AGBL4: variants seen among roughly 807,000 people sequenced by gnomAD.
AGBL4 encodes the protein cytosolic carboxypeptidase 6.
Under a neutral mutation model 66.4 loss-of-function variants are expected in AGBL4, and 58 were observed. The observed-to-expected ratio is 0.87, with a 90% CI of 0.71 to 1.09. The LOEUF is 1.09. AGBL4 is among the 50% of genes least tolerant of loss of function. The probability of loss-of-function intolerance (pLI) is 0.00; values close to 1 mark genes in which losing one functional copy is unlikely to be tolerated. For synonymous variants in AGBL4, 234 were observed against 222.9 expected (o/e 1.05, Z -0.44); for missense variants, 579 against 631.0 (o/e 0.92, Z 0.88).
At chr1:49,384,190 A>G (rs1456053730) in intron 3 of AGBL4, among the ~76,000 whole-genome samples, 1 of 152,244 alleles carries the variant, frequency 6.6e-6, no homozygotes, top group South Asian at 2.1e-4. Flanking sequence ...TTTGCAAACC[A>G]TATATCTAAT....
chr1:48,980,103 T>A (rs1659625169), intron 5 of AGBL4, among the ~76,000 whole-genome samples: 2 of 152,206 alleles, frequency 1.3e-5, no homozygotes, highest in African/African-American at 2.4e-5. Context: ...TCTGTCAGAC[T>A]GTCCCCAGGT....
In AGBL4 at chr1:48,848,578, T is replaced by C. The variant is rs146211567; in HGVS notation, c.634+18613A>G. On this transcript the variant is annotated intron_variant, in intron 6 of 13. Coordinates refer to ENST00000371839, the MANE Select transcript of AGBL4 (RefSeq NM_032785.4). The stretch of plus-strand genomic sequence containing the variant: ...ATCTCTATAATACAACATTTTTTTT[T>C]CCGAAAGAAATGAAAGGGCATTGAA... Among the ~76,000 whole-genome samples the C allele has an allele frequency of 3.0e-3, 452 of 152,322 alleles. 1 individual carries two copies. Among genetic ancestry groups the C allele is most frequent in the African/African-American group, 0.01 (422 of 41,584 alleles).
chr1:48,835,743 G>C (rs931022579), intron 6 of AGBL4, among the ~76,000 whole-genome samples: 3 of 152,098 alleles, frequency 2.0e-5, no homozygotes, highest in Non-Finnish European at 4.4e-5. Flanking sequence ...CAAGACCCTA[G>C]AACTCTCTAA....
chr1:49,739,427 G>C (rs1650214722), intron 2 of AGBL4, among the ~76,000 whole-genome samples: 1 of 152,226 alleles, frequency 6.6e-6, no homozygotes, highest in Non-Finnish European at 1.5e-5. Flanking sequence ...ATCTACGTCT[G>C]ATTGGTGTAC....
At chr1:49,451,844 T>C (rs1646284551) in intron 3 of AGBL4, among the ~76,000 whole-genome samples, 1 of 151,916 alleles carries the variant, frequency 6.6e-6, no homozygotes, top group African/African-American at 2.4e-5. Flanking sequence ...ACCTCACCCA[T>C]TGGGGAACCT....
intron 6 of AGBL4, among the ~76,000 whole-genome samples, chr1:48,706,187 CT>C (rs1646878192): frequency 6.6e-6 from 1 of 151,978 alleles, no homozygotes; most frequent in African/African-American, 2.4e-5. Context: ...TATGATTATG[CT>C]TTATAACTTA....
intron 3 of AGBL4, among the ~76,000 whole-genome samples, chr1:49,419,986 G>T (rs1490606857): frequency 3.9e-5 from 6 of 152,158 alleles, no homozygotes; most frequent in Non-Finnish European, 8.8e-5. Context: ...CCTGTAGCAG[G>T]TTTAAAGAAC....
chr1:48,989,855 A>G (rs749960515), intron 5 of AGBL4, among the ~76,000 whole-genome samples: 2 of 151,854 alleles, frequency 1.3e-5, no homozygotes, highest in Non-Finnish European at 2.9e-5. Flanking sequence ...TTTGTTTCAG[A>G]TATGTCTTCG....
intron 3 of AGBL4, among the ~76,000 whole-genome samples, chr1:49,448,232 C>T (rs1256818403): frequency 1.3e-5 from 2 of 152,142 alleles, no homozygotes; most frequent in Admixed American, 6.5e-5. Flanking sequence ...TGTATTGGTG[C>T]TCATAATTAT....
chr1:49,802,882 T>C (rs1644895979), intron 2 of AGBL4, among the ~76,000 whole-genome samples: 1 of 152,212 alleles, frequency 6.6e-6, no homozygotes, highest in Admixed American at 6.5e-5. Context: ...ATATGTCTGC[T>C]GATTTAATTT....
intron 6 of AGBL4, among the ~76,000 whole-genome samples, chr1:48,723,467 G>A (rs1268884807): frequency 1.3e-5 from 2 of 152,152 alleles, no homozygotes; most frequent in East Asian, 1.9e-4. Flanking sequence ...GAAGCTGCCT[G>A]GCAGAAAGGG....
chr1:49,588,084 C>T (rs184845341), intron 3 of AGBL4, among the ~76,000 whole-genome samples: 40 of 152,236 alleles, frequency 2.6e-4, no homozygotes, highest in Admixed American at 5.9e-4. Flanking sequence ...ATCCAGCCAA[C>T]CTGAATTAAT....
intron 3 of AGBL4, among the ~76,000 whole-genome samples, chr1:49,254,338 T>C (rs1246937768): frequency 1.3e-5 from 2 of 152,074 alleles, no homozygotes; most frequent in Non-Finnish European, 1.5e-5. Context: ...AAAATCAAAG[T>C]GTAAAAATCA....
intron 5 of AGBL4, among the ~76,000 whole-genome samples, chr1:48,969,404 G>A (rs1658726164): frequency 6.6e-6 from 1 of 151,942 alleles, no homozygotes; most frequent in Non-Finnish European, 1.5e-5. Context: ...CATTTAATTG[G>A]CTACTTTATT....
chr1:48,602,024 T>C (rs1410613147), intron 9 of AGBL4, among the ~76,000 whole-genome samples: 1 of 152,166 alleles, frequency 6.6e-6, no homozygotes, highest in Non-Finnish European at 1.5e-5. Flanking sequence ...TAAAAGTTAA[T>C]GTTGCTTCCT....
intron 5 of AGBL4, among the ~76,000 whole-genome samples, chr1:48,996,179 T>C (rs1351402742): frequency 6.6e-6 from 1 of 152,242 alleles, no homozygotes; most frequent in Non-Finnish European, 1.5e-5. Flanking sequence ...GTTTTGAATA[T>C]ATTCATTTTG....
At chr1:49,361,673 T>C (rs897534904) in intron 3 of AGBL4, among the ~76,000 whole-genome samples, 16 of 152,188 alleles carry the variant, frequency 1.1e-4, no homozygotes, top group African/African-American at 3.9e-4. Context: ...CTTTCAAATG[T>C]GCTAAATCAT....
rs557463568 is a variant in AGBL4 at position 49,828,566 on chromosome 1, T to C, written c.157+22830A>G. On this transcript the variant is annotated intron_variant, in intron 2 of 13. Transcript: ENST00000371839. The stretch of plus-strand genomic sequence containing the variant: ...ATTATTGGGAAGAGTAAGAATGTCA[T>C]GAGGTGAAGTCAGAAAAGTAGTCAA... Among the ~76,000 whole-genome samples, 4 of 152,226 alleles carry C rather than the reference T, an allele frequency of 2.6e-5. No homozygotes were observed. In the South Asian group the frequency reaches 6.2e-4, roughly 24 times the overall value.
At chr1:49,326,259 T>TA (rs1645226452) in intron 3 of AGBL4, among the ~76,000 whole-genome samples, 1 of 152,190 alleles carries the variant, frequency 6.6e-6, no homozygotes, top group African/African-American at 2.4e-5. Context: ...TCTAGGTTTT[T>TA]AAAAAAATTC....
Sources: allele counts gnomAD v4.1 joint callset (sites outside exome capture counted in the v4.1 genomes callset), GRCh38; gene constraint gnomAD v4.1.1; transcripts MANE v1.5; gene names NCBI Gene and HGNC (gene_info 2026-07-23, HGNC 2026-07-21).